Variants in TRMT1L observed in about 807,000 individuals in gnomAD.
The protein encoded by TRMT1L is tRNA (guanine(27)-N(2))-dimethyltransferase.
TRMT1L carries 28 observed loss-of-function variants against 81.6 expected under a neutral mutation model. That is an observed-to-expected ratio of 0.34 (90% CI 0.25 to 0.47). TRMT1L has a LOEUF of 0.47. TRMT1L is among the 20% of genes least tolerant of loss of function. TRMT1L has a pLI of 1.00. For missense variants in TRMT1L, 739 were observed against 877.1 expected, an observed-to-expected ratio of 0.84 and a Z score of 1.99; for synonymous variants, 301 against 303.2, an observed-to-expected ratio of 0.99 and a Z score of 0.07.
Position 185,156,730 on chromosome 1 carries a change from C to G in TRMT1L, c.-18G>C, listed in dbSNP as rs1210594275. ...TTCTCCATAGTTACCGCCTCCGTGCCAAGCCCGCCCGGGGACCCGGAGCGG... is the reference window on the plus strand; with the variant it reads ...TTCTCCATAGTTACCGCCTCCGTGCGAAGCCCGCCCGGGGACCCGGAGCGG... On this transcript the variant is annotated 5_prime_UTR_variant, in exon 1 of 15. Transcript: ENST00000367506. The G allele has an allele frequency of 3.7e-6, 6 of 1,612,184 alleles. No homozygotes were observed. The highest frequency in any genetic ancestry group is 5.1e-6 in the Non-Finnish European group (6 of 1,179,646).
intron 11 of TRMT1L, 33 bp downstream of exon 11, chr1:185,128,636 A>G: frequency 1.3e-6 from 2 of 1,590,954 alleles, no homozygotes; most frequent in Non-Finnish European, 1.7e-6. Context: ...CAATACATCA[A>G]ATTTTAATAT....
intron 3 of TRMT1L, 61 bp downstream of exon 3, chr1:185,150,318 A>G (rs1330470411): frequency 8.1e-7 from 1 of 1,234,522 alleles, no homozygotes; most frequent in Non-Finnish European, 1.2e-6. Flanking sequence ...AAAATGCCAA[A>G]ACTGGTAATA....
intron 1 of TRMT1L, among the ~76,000 whole-genome samples, chr1:185,155,431 T>C (rs1202650995): frequency 6.6e-6 from 1 of 152,254 alleles, no homozygotes; most frequent in Non-Finnish European, 1.5e-5. Context: ...GGGGCTTACC[T>C]GAAGCATTCT....
chr1:185,139,500 C>A lies in TRMT1L; in HGVS notation c.1189G>T (p.Val397Leu). 1.9e-6 allele frequency: 3 copies of A among 1,614,118 alleles called. No individual in the cohort carries two copies. The highest frequency in any genetic ancestry group is 2.5e-6 in the Non-Finnish European group (3 of 1,179,984). The change falls in exon 9 of 15, where the codon GTG (valine) becomes TTG (leucine). Residue 397 changes from valine to leucine, a missense_variant. Transcript: ENST00000367506. ...AAAGAACTGATATCTGTAGAAGTCA[C>A]TGACACTATGCCAAGGTTTCTTATA... ...RNIRNLGIVSVTSTDISSLYA... is the reference protein window; with the variant it reads ...RNIRNLGIVSLTSTDISSLYA...
intron 10 of TRMT1L, among the ~76,000 whole-genome samples, 160 bp from the exon 11 acceptor site, chr1:185,128,907 CATATGTATACGTAT>C (rs990326746): frequency 2.6e-5 from 4 of 151,876 alleles, no homozygotes; most frequent in Non-Finnish European, 5.9e-5. Flanking sequence ...TGTGTGTGTG[CATATGTATACGTAT>C]ATATGTATAC....
At chr1:185,121,401 A>C (rs748113658) in intron 13 of TRMT1L, among the ~76,000 whole-genome samples, 116 of 152,032 alleles carry the variant, frequency 7.6e-4, no homozygotes, top group Non-Finnish European at 1.0e-3. Context: ...TGAGCCTAGG[A>C]GTTTGAGTCT....
Position 185,125,009 on chromosome 1 carries a change from A to C in TRMT1L, c.1694T>G (p.Phe565Cys), listed in dbSNP as rs748129246. 9 of 1,613,384 alleles carry C rather than the reference A, an allele frequency of 5.6e-6. No individual in the cohort carries two copies. The highest frequency in any genetic ancestry group is 2.5e-6 in the Non-Finnish European group (3 of 1,179,596). The change falls in exon 12 of 15, where the codon TTT becomes TGT. Residue 565 changes from phenylalanine (F) to cysteine (C), a missense_variant. Coordinates refer to ENST00000367506, the MANE Select transcript of TRMT1L (RefSeq NM_030934.5). ...DIQTLIKTLI[F>C]ESECTPQSQF... is the part of the protein sequence containing the mutation. ...ACTTTGAGGCGTACACTCTGATTCA[A>C]AGATTAATGTCTTTATTAGGGTCTG...
chr1:185,145,482 C>T lies in TRMT1L; in HGVS notation c.612G>A (p.Arg204=). 1.2e-6 allele frequency: 2 copies of T among 1,611,798 alleles called. No homozygotes were observed. The highest frequency in any genetic ancestry group is 8.5e-7 in the Non-Finnish European group (1 of 1,178,446). ...TAGTCTCTCCTTTATTCATGTGGCG[C>T]CTAACATGTCCTAGCATATCAGTTC... ...TRRTDMLGHV[R]RHMNKGETKS... The change falls in exon 5 of 15, where the codon AGG becomes AGA. Residue 204 remains arginine, a synonymous_variant. Transcript: ENST00000367506.
At chr1:185,133,205 CATT>C (rs1220236025) in intron 10 of TRMT1L, among the ~76,000 whole-genome samples, 2 of 152,144 alleles carry the variant, frequency 1.3e-5, no homozygotes, top group African/African-American at 4.8e-5. Context: ...AGAAAGGAAA[CATT>C]ATTATAACAT....
intron 1 of TRMT1L, among the ~76,000 whole-genome samples, chr1:185,152,672 A>T (rs74134427): frequency 0.011 from 1,750 of 152,318 alleles, 33 homozygotes; most frequent in African/African-American, 0.039. Flanking sequence ...TTAAAAAAAT[A>T]AGCAACAGAA....
At position 185,156,939 on chromosome 1, in the gene TRMT1L, T is replaced by C. The variant is rs1571366296; in HGVS notation, c.-227A>G. On this transcript the variant is annotated 5_prime_UTR_variant, in exon 1 of 15. Coordinates refer to ENST00000367506, the MANE Select transcript of TRMT1L (RefSeq NM_030934.5). ...TTCCAGATGCCCGTCCGCTTCCCTTTCCCCGAGGCGTTACGACGCCACCAC... is the reference window on the plus strand; with the variant it reads ...TTCCAGATGCCCGTCCGCTTCCCTTCCCCCGAGGCGTTACGACGCCACCAC... The C allele has an allele frequency of 1.6e-6, 1 of 608,042 alleles. No homozygotes were observed. The highest frequency in any genetic ancestry group is 3.6e-5 in the Admixed American group (1 of 27,860). The allele number at this position is 608,042 out of a possible 1,614,324, so 37.7% of individuals were successfully genotyped here.
chr1:185,147,969 C>CT (rs754700013), intron 3 of TRMT1L, among the ~76,000 whole-genome samples: 7 of 152,240 alleles, frequency 4.6e-5, no homozygotes, highest in Non-Finnish European at 1.0e-4. Flanking sequence ...GGTCTCTTTA[C>CT]TTTTTTTGAA....
Position 185,156,582 on chromosome 1 carries a change from T to G in TRMT1L, c.131A>C (p.Asp44Ala). The change falls in exon 1 of 15, where the codon GAC becomes GCC. Residue 44 changes from aspartate to alanine, a missense_variant. Physicochemically the swap from Asp to Ala is moderately radical, Grantham distance 126. Coordinates refer to ENST00000367506, the MANE Select transcript of TRMT1L (RefSeq NM_030934.5). ...AGCCGAGGCCGGAGTCGGAGCCGAG[T>G]CCAGAGCCGAATCCGGGGCCGGAGC... ...VPAPAPDSAL[D>A]SAPTPASAPA... 2 of 1,598,452 alleles carry G rather than the reference T, an allele frequency of 1.3e-6. No individual in the cohort carries two copies. The highest frequency in any genetic ancestry group is 1.7e-6 in the Non-Finnish European group (2 of 1,172,772).
chr1:185,155,724 A>G (rs1653508753), intron 1 of TRMT1L, among the ~76,000 whole-genome samples: 1 of 152,238 alleles, frequency 6.6e-6, no homozygotes, highest in South Asian at 2.1e-4. Flanking sequence ...ATCCTTAAGA[A>G]AGTGTTACTC....
intron 9 of TRMT1L, among the ~76,000 whole-genome samples, chr1:185,138,773 A>G (rs1652962626): frequency 6.6e-6 from 1 of 152,216 alleles, no homozygotes; most frequent in Non-Finnish European, 1.5e-5. Flanking sequence ...GATAAAACAG[A>G]ATGGATATAA....
intron 7 of TRMT1L, among the ~76,000 whole-genome samples, chr1:185,140,675 G>A (rs565729184): frequency 3.3e-4 from 50 of 150,358 alleles, no homozygotes; most frequent in Admixed American, 8.6e-4. Flanking sequence ...GCATTGTTGT[G>A]AATTAAAAAA....
In TRMT1L at chr1:185,144,038, GA is replaced by G; in HGVS notation, c.656-10del. 1 of 1,550,472 alleles carries G rather than the reference GA, an allele frequency of 6.4e-7. No homozygotes were observed. The highest frequency in any genetic ancestry group is 8.7e-7 in the Non-Finnish European group (1 of 1,152,130). On this transcript the variant is annotated splice_polypyrimidine_tract_variant and intron_variant, in intron 5 of 14. Coordinates refer to ENST00000367506, the MANE Select transcript of TRMT1L (RefSeq NM_030934.5). ...TGGTTTAGCAGTGGAAGCTAAGATGGAAAAAAGAAAAGATTTCCAGGGAAAC... is the reference window on the plus strand; with the variant it reads ...TGGTTTAGCAGTGGAAGCTAAGATGGAAAAAGAAAAGATTTCCAGGGAAAC...
intron 7 of TRMT1L, 25 bp downstream of exon 7, chr1:185,143,332 G>T (rs777961242): frequency 1.5e-5 from 23 of 1,560,904 alleles, no homozygotes; most frequent in Non-Finnish European, 1.7e-5. Flanking sequence ...ATAAAATGGG[G>T]TTCCAAAAAA....
chr1:185,147,080 C>A (rs1180540118), intron 4 of TRMT1L, 102 bp downstream of exon 4: 2 of 653,048 alleles, frequency 3.1e-6, no homozygotes, highest in Non-Finnish European at 5.1e-6. Flanking sequence ...TAAAGTAAAC[C>A]ACACTGCTGA....
Sources: gnomAD v4.1 joint callset for allele counts (sites outside exome capture counted in the v4.1 genomes callset) on GRCh38, gnomAD v4.1.1 for gene constraint, MANE v1.5 for transcripts, NCBI Gene and HGNC (gene_info 2026-07-23, HGNC 2026-07-21) for gene names.